ZC3H12B: variants seen among roughly 807,000 people sequenced by gnomAD.
The protein encoded by ZC3H12B is probable ribonuclease ZC3H12B.
A neutral mutation model predicts 43.9 loss-of-function variants in ZC3H12B; 7 were observed. That is an observed-to-expected ratio of 0.16 (90% CI 0.09 to 0.30). The LOEUF (loss-of-function observed/expected upper bound fraction) is 0.30, where lower values mean the gene tolerates loss of function less well. Among genes scored for constraint, ZC3H12B ranks in the 10% least tolerant of loss-of-function variants. ZC3H12B has a pLI of 1.00. For missense variants in ZC3H12B, 475 were observed against 670.2 expected, an observed-to-expected ratio of 0.71 and a Z score of 3.22; for synonymous variants, 222 against 241.7, an observed-to-expected ratio of 0.92 and a Z score of 0.76.
chrX:65,111,238 C>T, the ZC3H12B span, among the ~76,000 whole-genome samples: 92 of 111,021 alleles, frequency 8.3e-4, no homozygotes, highest in African/African-American at 2.7e-3. Context: ...TGCCTTATTG[C>T]GGTGTCTGGA....
the ZC3H12B span, among the ~76,000 whole-genome samples, chrX:65,286,255 C>T: frequency 1.8e-5 from 2 of 111,891 alleles, no homozygotes; most frequent in Admixed American, 1.9e-4. Context: ...GAAACTGTGT[C>T]CTTTGCAGCA....
chrX:65,404,504 G>C (rs2148054469), intron 3 of ZC3H12B, among the ~76,000 whole-genome samples: 1 of 111,323 alleles, frequency 9.0e-6, no homozygotes, highest in South Asian at 3.8e-4. Context: ...GAAAAGTGAT[G>C]GAAAAGACAT....
chrX:65,362,329 C>A (rs2066114282), upstream of ZC3H12B, among the ~76,000 whole-genome samples: 1 of 111,692 alleles, frequency 9.0e-6, no homozygotes, highest in African/African-American at 3.3e-5. Flanking sequence ...TTTCCCTTAC[C>A]TCCCTAACTG....
the ZC3H12B span, among the ~76,000 whole-genome samples, chrX:65,133,990 T>G: frequency 9.0e-6 from 1 of 111,068 alleles, no homozygotes; most frequent in South Asian, 3.9e-4. Context: ...TTCTGGCTAT[T>G]TAGAACCATT....
At chrX:65,064,937 C>T in the ZC3H12B span, among the ~76,000 whole-genome samples, 1 of 110,998 alleles carries the variant, frequency 9.0e-6, no homozygotes, top group African/African-American at 3.3e-5. Context: ...GGTTTAAAGT[C>T]TGTTTTACAT....
At chrX:65,382,173 G>T (rs1257770750) in intron 2 of ZC3H12B, among the ~76,000 whole-genome samples, 1 of 110,541 alleles carries the variant, frequency 9.0e-6, no homozygotes, top group Non-Finnish European at 1.9e-5. Flanking sequence ...AGACCAATAT[G>T]CTTGATGAAC....
the ZC3H12B span, among the ~76,000 whole-genome samples, chrX:65,330,042 G>A: frequency 1.2e-3 from 129 of 111,269 alleles, 2 homozygotes; most frequent in African/African-American, 4.1e-3. Context: ...GCTCTTTTTT[G>A]GTTCCATATG....
the ZC3H12B span, among the ~76,000 whole-genome samples, chrX:65,056,497 G>A: frequency 9.0e-6 from 1 of 111,682 alleles, no homozygotes; most frequent in Non-Finnish European, 1.9e-5. Context: ...GCTGAGGAAT[G>A]CTTTACTTCC....
the ZC3H12B span, among the ~76,000 whole-genome samples, chrX:65,248,320 G>A: frequency 5.4e-5 from 6 of 111,251 alleles, no homozygotes; most frequent in African/African-American, 9.8e-5. Context: ...GTGAGCCACC[G>A]CACCAAGCCA....
the ZC3H12B span, among the ~76,000 whole-genome samples, chrX:65,254,029 G>A: frequency 1.8e-5 from 2 of 112,059 alleles, no homozygotes; most frequent in African/African-American, 6.5e-5. Context: ...ACCACTGCCT[G>A]TGGAAATGCT....
chrX:65,440,294 TA>T (rs1158381748), intron 3 of ZC3H12B, among the ~76,000 whole-genome samples: 1 of 112,522 alleles, frequency 8.9e-6, no homozygotes, highest in Non-Finnish European at 1.9e-5. Flanking sequence ...ATTCTACTTC[TA>T]ACTGCTGTTT....
the ZC3H12B span, among the ~76,000 whole-genome samples, chrX:65,136,512 G>T: frequency 9.0e-6 from 1 of 111,167 alleles, no homozygotes; most frequent in African/African-American, 3.3e-5. Context: ...TTGCTTGCAT[G>T]GTTTGGGGTA....
chrX:65,156,967 C>A, the ZC3H12B span, among the ~76,000 whole-genome samples: 1 of 110,964 alleles, frequency 9.0e-6, no homozygotes, highest in African/African-American at 3.3e-5. Flanking sequence ...ATTTTTCTTT[C>A]TTTCTTTCTT....
chrX:65,179,079 TA>T, the ZC3H12B span, among the ~76,000 whole-genome samples: 1 of 111,605 alleles, frequency 9.0e-6, no homozygotes, highest in African/African-American at 3.3e-5. Flanking sequence ...TATGCAGCCA[TA>T]AAAATGATGA....
chrX:65,430,519 G>A (rs746655821), intron 3 of ZC3H12B, among the ~76,000 whole-genome samples: 1 of 73,772 alleles, frequency 1.4e-5, no homozygotes, highest in Admixed American at 1.9e-4. Flanking sequence ...ACAGGCCTCG[G>A]TGTGTGATGT....
At chrX:65,342,232 A>G in the ZC3H12B span, among the ~76,000 whole-genome samples, 2 of 111,812 alleles carry the variant, frequency 1.8e-5, no homozygotes, top group African/African-American at 3.2e-5. Context: ...TTAAATATGT[A>G]TGCACCCAAC....
At chrX:65,452,595 C>T (rs906528846) in intron 3 of ZC3H12B, among the ~76,000 whole-genome samples, 4 of 111,918 alleles carry the variant, frequency 3.6e-5, no homozygotes, top group African/African-American at 1.3e-4. Context: ...AATCCCAACA[C>T]TTTGGGAGGC....
the ZC3H12B span, among the ~76,000 whole-genome samples, chrX:65,276,194 T>G: frequency 6.3e-5 from 7 of 111,469 alleles, no homozygotes; most frequent in Admixed American, 9.5e-5. Flanking sequence ...CCTACAGGAT[T>G]TATAAATTAC....
the ZC3H12B span, among the ~76,000 whole-genome samples, chrX:65,174,052 C>T: frequency 9.0e-6 from 1 of 111,380 alleles, no homozygotes; most frequent in Non-Finnish European, 1.9e-5. Flanking sequence ...AACTGTTTGC[C>T]TGGGTAACAC....
Sources: gnomAD v4.1 joint callset for allele counts (sites outside exome capture counted in the v4.1 genomes callset) on GRCh38, gnomAD v4.1.1 for gene constraint, MANE v1.5 for transcripts, NCBI Gene and HGNC (gene_info 2026-07-23, HGNC 2026-07-21) for gene names.